ROBO2: variants seen among roughly 807,000 people sequenced by gnomAD.
The protein encoded by ROBO2 is roundabout guidance receptor 2, also known as roundabout homolog 2.
In ROBO2, 53 loss-of-function variants were observed where a neutral mutation model predicts 160.8. The ratio of observed to expected loss-of-function variants is 0.33; its 90% confidence interval spans 0.26 to 0.41. The LOEUF is 0.41. Among genes scored for constraint, ROBO2 ranks in the 10% least tolerant of loss-of-function variants. The pLI, the probability that ROBO2 is intolerant of heterozygous loss-of-function variation, is 1.00. For synonymous variants in ROBO2, 664 were observed against 611.7 expected, an observed-to-expected ratio of 1.09 and a Z score of -1.26; for missense variants, 1,577 against 1,722.4, an observed-to-expected ratio of 0.92 and a Z score of 1.49.
chr3:76,312,428 C>T (rs2107792189), intron 2 of ROBO2, among the ~76,000 whole-genome samples: 1 of 152,302 alleles, frequency 6.6e-6, no homozygotes, highest in East Asian at 1.9e-4. Context: ...TCTGATCTTT[C>T]TGCTTCTCCT....
intron 2 of ROBO2, among the ~76,000 whole-genome samples, chr3:76,227,512 C>T (rs973211240): frequency 6.6e-6 from 1 of 152,116 alleles, no homozygotes; most frequent in Non-Finnish European, 1.5e-5. Flanking sequence ...ATATTTGTTT[C>T]TTCTGTGATG....
At chr3:77,207,244 G>A (rs1212328967) in intron 2 of ROBO2, among the ~76,000 whole-genome samples, 2 of 151,916 alleles carry the variant, frequency 1.3e-5, no homozygotes, top group Non-Finnish European at 2.9e-5. Flanking sequence ...AAGGAGTTTG[G>A]GATATGGGAG....
intron 2 of ROBO2, among the ~76,000 whole-genome samples, chr3:77,383,427 A>G (rs1581525113): frequency 1.3e-5 from 2 of 151,836 alleles, no homozygotes; most frequent in African/African-American, 4.8e-5. Flanking sequence ...TAAAATATTT[A>G]TTTTTCTCTT....
intron 2 of ROBO2, among the ~76,000 whole-genome samples, chr3:76,472,357 AGAATT>A (rs1399699741): frequency 6.6e-6 from 1 of 152,172 alleles, no homozygotes; most frequent in African/African-American, 2.4e-5. Context: ...TAAAAGAAGT[AGAATT>A]GAATAGTGAA....
intron 2 of ROBO2, among the ~76,000 whole-genome samples, chr3:76,206,685 T>C (rs1378581953): frequency 6.6e-6 from 1 of 152,214 alleles, no homozygotes; most frequent in Non-Finnish European, 1.5e-5. Context: ...CATTGAGCTT[T>C]ACTTTCATTG....
chr3:76,219,211 C>T (rs953903443), intron 2 of ROBO2, among the ~76,000 whole-genome samples: 5 of 152,086 alleles, frequency 3.3e-5, no homozygotes, highest in Non-Finnish European at 7.4e-5. Context: ...CCATGTAAAA[C>T]CATAAAAACC....
At chr3:76,836,776 A>G (rs529161863) in intron 2 of ROBO2, among the ~76,000 whole-genome samples, 1 of 151,942 alleles carries the variant, frequency 6.6e-6, no homozygotes, top group Admixed American at 6.6e-5. Flanking sequence ...ATTATTTTAA[A>G]TTTACTTAGA....
At chr3:75,950,394 T>C (rs1322361734) in intron 2 of ROBO2, among the ~76,000 whole-genome samples, 3 of 152,134 alleles carry the variant, frequency 2.0e-5, no homozygotes, top group Non-Finnish European at 4.4e-5. Context: ...TACAAGATTA[T>C]AGCTTAATAA....
chr3:77,137,059 C>T (rs1252851413), intron 2 of ROBO2, among the ~76,000 whole-genome samples: 4 of 152,172 alleles, frequency 2.6e-5, no homozygotes, highest in South Asian at 2.1e-4. Context: ...GCTGGGATTG[C>T]GGGTGTGAGC....
intron 2 of ROBO2, among the ~76,000 whole-genome samples, chr3:76,411,340 T>C (rs2075475245): frequency 6.6e-6 from 1 of 152,150 alleles, no homozygotes; most frequent in South Asian, 2.1e-4. Context: ...GATACCTAGA[T>C]AAGCAGAAAG....
intron 2 of ROBO2, among the ~76,000 whole-genome samples, chr3:76,366,307 C>T (rs549084117): frequency 8.5e-5 from 13 of 152,102 alleles, no homozygotes; most frequent in African/African-American, 3.1e-4. Context: ...CACTTGCAAC[C>T]AGGCACACTG....
At chr3:77,174,950 A>T (rs1192304958) in intron 2 of ROBO2, among the ~76,000 whole-genome samples, 1 of 152,102 alleles carries the variant, frequency 6.6e-6, no homozygotes. Context: ...GCCTGTTTTA[A>T]CATAAATACT....
intron 2 of ROBO2, among the ~76,000 whole-genome samples, chr3:77,365,684 G>A (rs779275715): frequency 6.6e-6 from 1 of 152,100 alleles, no homozygotes; most frequent in Non-Finnish European, 1.5e-5. Context: ...TTGGCAAACC[G>A]TTCACATAGC....
chr3:77,059,908 A>T (rs777525151), intron 1 of ROBO2, among the ~76,000 whole-genome samples: 1 of 152,058 alleles, frequency 6.6e-6, no homozygotes, highest in Non-Finnish European at 1.5e-5. Context: ...GCACACATAC[A>T]TTTGAGACCC....
intron 2 of ROBO2, among the ~76,000 whole-genome samples, chr3:77,175,476 A>C (rs2150782654): frequency 6.6e-6 from 1 of 152,146 alleles, no homozygotes; most frequent in East Asian, 1.9e-4. Flanking sequence ...GCACACGATG[A>C]GGAATCGCTC....
intron 6 of ROBO2, among the ~76,000 whole-genome samples, chr3:77,545,969 T>C (rs2092682077): frequency 6.6e-6 from 1 of 152,118 alleles, no homozygotes; most frequent in African/African-American, 2.4e-5. Flanking sequence ...AAGGAGATGG[T>C]TGAGTAAGAG....
intron 2 of ROBO2, among the ~76,000 whole-genome samples, chr3:76,413,430 T>C (rs1258609969): frequency 6.6e-6 from 1 of 152,196 alleles, no homozygotes; most frequent in East Asian, 1.9e-4. Context: ...TTCCAAACTT[T>C]TATGCTCCAC....
intron 3 of ROBO2, among the ~76,000 whole-genome samples, chr3:77,479,027 G>A (rs974315081): frequency 3.3e-5 from 5 of 152,186 alleles, no homozygotes; most frequent in African/African-American, 4.8e-5. Context: ...AGGCTAGATG[G>A]TTGAAGCTTA....
At chr3:76,424,192 A>G (rs2076115125) in intron 2 of ROBO2, among the ~76,000 whole-genome samples, 1 of 152,212 alleles carries the variant, frequency 6.6e-6, no homozygotes, top group Non-Finnish European at 1.5e-5. Flanking sequence ...CCTTAACAAT[A>G]TGTAAAAATA....
Sources: gnomAD v4.1 joint callset for allele counts (sites outside exome capture counted in the v4.1 genomes callset) on GRCh38, gnomAD v4.1.1 for gene constraint, MANE v1.5 for transcripts, NCBI Gene and HGNC (gene_info 2026-07-23, HGNC 2026-07-21) for gene names.